NEK6: variants seen among roughly 807,000 people sequenced by gnomAD.
NEK6 encodes the protein serine/threonine-protein kinase Nek6.
In NEK6, 27 loss-of-function variants were observed where a neutral mutation model predicts 43.5. The ratio of observed to expected loss-of-function variants is 0.62; its 90% confidence interval spans 0.46 to 0.86. NEK6 has a LOEUF of 0.86. Among genes scored for constraint, NEK6 ranks in the 40% least tolerant of loss-of-function variants. NEK6 has a pLI of 0.00. For synonymous variants in NEK6, 167 were observed against 164.1 expected, an observed-to-expected ratio of 1.02 and a Z score of -0.14; for missense variants, 318 against 414.4, an observed-to-expected ratio of 0.77 and a Z score of 2.02.
In NEK6 at chr9:124,292,586, C is replaced by T. The variant is rs927915302; in HGVS notation, c.-29-9350C>T. 2.1e-5 allele frequency: 32 copies of T among 1,535,174 alleles called. No individual in the cohort carries two copies. The African/African-American group carries it at 3.7e-4, about 18-fold the overall frequency. ...AAGCCCTCCAGCCCCCGGGGCTGTT[C>T]CACTTGGTCCTTCTTCCACTGTCAG... On this transcript the variant is annotated intron_variant, in intron 1 of 9. Coordinates refer to ENST00000320246, the MANE Select transcript of NEK6 (RefSeq NM_014397.6).
intron 1 of NEK6, among the ~76,000 whole-genome samples, chr9:124,282,673 G>A (rs1026757940): frequency 1.3e-5 from 2 of 151,798 alleles, no homozygotes; most frequent in African/African-American, 2.4e-5. Flanking sequence ...CGGGAGGGCC[G>A]GGATCCCCCT....
At chr9:124,332,134 A>G (rs138020794) in intron 7 of NEK6, among the ~76,000 whole-genome samples, 91 of 152,354 alleles carry the variant, frequency 6.0e-4, no homozygotes, top group Middle Eastern at 6.8e-3. Flanking sequence ...TGAGGAGTCA[A>G]TCTGGACCTG....
chr9:124,302,009 C>A lies in NEK6; in HGVS notation c.45C>A (p.Asn15Lys). 1 of 1,606,208 alleles carries A rather than the reference C, an allele frequency of 6.2e-7. No homozygotes were observed. Among genetic ancestry groups the A allele is most frequent in the Non-Finnish European group, 8.5e-7 (1 of 1,176,434 alleles). The change falls in exon 2 of 10, where the codon AAC becomes AAA. Residue 15 changes from asparagine to lysine, a missense_variant. Physicochemically the swap from Asn to Lys is moderately conservative, Grantham distance 94. Coordinates refer to ENST00000320246, the MANE Select transcript of NEK6 (RefSeq NM_014397.6). Reference protein sequence around the residue: ...PGHMPHGGSSNNLCHTLGPVH... With the variant: ...PGHMPHGGSSKNLCHTLGPVH... ...ACATGCCCCATGGAGGGAGTTCCAA[C>A]AACCTCTGCCACACCCTGGGGCCTG... is the stretch of plus-strand genomic sequence containing the variant.
chr9:124,279,503 A>C (rs567522487), intron 1 of NEK6, among the ~76,000 whole-genome samples: 3 of 152,010 alleles, frequency 2.0e-5, no homozygotes. Flanking sequence ...GGGTTTCACC[A>C]TGTTGGCCAG....
intron 1 of NEK6, among the ~76,000 whole-genome samples, chr9:124,290,503 G>A (rs560354009): frequency 6.6e-6 from 1 of 152,398 alleles, no homozygotes; most frequent in African/African-American, 2.4e-5. Context: ...CAGGGCCTCA[G>A]CTGCTGTATG....
At chr9:124,337,312 G>A (rs1245852409) in intron 7 of NEK6, among the ~76,000 whole-genome samples, 1 of 152,188 alleles carries the variant, frequency 6.6e-6, no homozygotes, top group Non-Finnish European at 1.5e-5. Context: ...GGGAGAAGAG[G>A]GACCCTGAGG....
chr9:124,349,028 A>G (rs1490596512), intron 9 of NEK6, among the ~76,000 whole-genome samples: 1 of 152,218 alleles, frequency 6.6e-6, no homozygotes, highest in African/African-American at 2.4e-5. Context: ...CCCCGGCCAA[A>G]CTGCACAGGG....
At position 124,350,983 on chromosome 9, in the gene NEK6, A is replaced by C; in HGVS notation, c.*36A>C. 1 of 1,462,686 alleles carries C rather than the reference A, an allele frequency of 6.8e-7. No homozygotes were observed. The highest frequency in any genetic ancestry group is 9.5e-7 in the Non-Finnish European group (1 of 1,053,864). The allele number at this position is 1,462,686 out of a possible 1,614,324, so 90.6% of individuals were successfully genotyped here. ...ACCGTGCCTTATCAAAGCCAGCACC[A>C]CTTTGCCTTACTTGAGTCGTCTTCT... On this transcript the variant is annotated 3_prime_UTR_variant, in exon 10 of 10. Transcript: ENST00000320246.
In NEK6 at chr9:124,347,698, G is replaced by A. The variant is rs376500093; in HGVS notation, c.718-11G>A. ...CCGAAAGCTTATCTTCGTTGTTCCC[G>A]TCCCTTGCAGATGGCAGCCCTCCAG... On this transcript the variant is annotated splice_polypyrimidine_tract_variant and intron_variant, in intron 8 of 9. Coordinates refer to ENST00000320246, the MANE Select transcript of NEK6 (RefSeq NM_014397.6). 45 of 1,549,152 alleles carry A rather than the reference G, an allele frequency of 2.9e-5. No homozygotes were observed. In the African/African-American group the frequency reaches 3.4e-4, roughly 12 times the overall value.
At chr9:124,318,394 A>T (rs1833918601) in intron 4 of NEK6, among the ~76,000 whole-genome samples, 1 of 152,070 alleles carries the variant, frequency 6.6e-6, no homozygotes, top group Non-Finnish European at 1.5e-5. Context: ...GGCCTGCACC[A>T]CGAAGCCCAG....
chr9:124,318,018 A>G (rs1203394109), intron 4 of NEK6, among the ~76,000 whole-genome samples: 3 of 152,186 alleles, frequency 2.0e-5, no homozygotes, highest in Non-Finnish European at 4.4e-5. Flanking sequence ...AGAACCATTT[A>G]TATTCCTTTG....
intron 1 of NEK6, among the ~76,000 whole-genome samples, chr9:124,284,998 G>A (rs1266928854): frequency 1.3e-5 from 2 of 152,256 alleles, no homozygotes; most frequent in Non-Finnish European, 2.9e-5. Context: ...GTAGTGGCAC[G>A]TGATTTTGTG....
intron 7 of NEK6, among the ~76,000 whole-genome samples, chr9:124,332,938 A>T (rs1791396536): frequency 6.6e-6 from 1 of 151,276 alleles, no homozygotes; most frequent in Admixed American, 6.6e-5. Context: ...AGTCTCAGGG[A>T]GGGGCATGGA....
chr9:124,279,595 C>T (rs1831806847), intron 1 of NEK6, among the ~76,000 whole-genome samples: 1 of 152,214 alleles, frequency 6.6e-6, no homozygotes, highest in Non-Finnish European at 1.5e-5. Context: ...GAGCCACGCG[C>T]CTGGCCCAGC....
At chr9:124,293,554 C>T (rs1832527001) in intron 1 of NEK6, among the ~76,000 whole-genome samples, 1 of 152,136 alleles carries the variant, frequency 6.6e-6, no homozygotes, top group African/African-American at 2.4e-5. Context: ...GGATGCTCCT[C>T]GATTTTCAAA....
chr9:124,274,070 G>A (rs1831558474), intron 1 of NEK6, among the ~76,000 whole-genome samples: 1 of 152,240 alleles, frequency 6.6e-6, no homozygotes, highest in African/African-American at 2.4e-5. Flanking sequence ...CTGTCTTGGG[G>A]ACAGAGGCAG....
At chr9:124,314,472 A>AGTGGTGGTG (rs764779237) in intron 4 of NEK6, among the ~76,000 whole-genome samples, 1 of 144,534 alleles carries the variant, frequency 6.9e-6, no homozygotes, top group Non-Finnish European at 1.5e-5. Flanking sequence ...TTTTGTTGGT[A>AGTGGTGGTG]GTGGTGGTGG....
At chr9:124,304,603 A>G (rs1833163234) in intron 2 of NEK6, among the ~76,000 whole-genome samples, 1 of 152,190 alleles carries the variant, frequency 6.6e-6, no homozygotes. Context: ...TGGATCTTAT[A>G]TTTTAAAAAC....
chr9:124,346,983 A>T (rs1829963262), intron 8 of NEK6, among the ~76,000 whole-genome samples: 1 of 152,214 alleles, frequency 6.6e-6, no homozygotes, highest in Non-Finnish European at 1.5e-5. Flanking sequence ...CAAATGAGGA[A>T]ACTGAAGTCC....
Sources: allele counts gnomAD v4.1 joint callset (sites outside exome capture counted in the v4.1 genomes callset), GRCh38; gene constraint gnomAD v4.1.1; transcripts MANE v1.5; gene names NCBI Gene and HGNC (gene_info 2026-07-23, HGNC 2026-07-21).